SEPTIN9: variants seen among roughly 807,000 people sequenced by gnomAD.
SEPTIN9 encodes the protein septin-9.
Under a neutral mutation model 56.6 loss-of-function variants are expected in SEPTIN9, and 13 were observed. The observed-to-expected ratio is 0.23, with a 90% CI of 0.15 to 0.37. The LOEUF (loss-of-function observed/expected upper bound fraction) is 0.37. SEPTIN9 is among the 10% of genes least tolerant of loss of function. The pLI is 1.00. For missense variants in SEPTIN9, 650 were observed against 823.1 expected (o/e 0.79, Z 2.57); for synonymous variants, 332 against 334.1 (o/e 0.99, Z 0.07).
At chr17:77,316,437 A>G (rs2032709664) in intron 2 of SEPTIN9, among the ~76,000 whole-genome samples, 1 of 152,242 alleles carries the variant, frequency 6.6e-6, no homozygotes, top group African/African-American at 2.4e-5. Flanking sequence ...CCTCAGGCCA[A>G]ACCATGCTGG....
intron 3 of SEPTIN9, among the ~76,000 whole-genome samples, chr17:77,477,304 G>T (rs1361527554): frequency 6.6e-6 from 1 of 152,032 alleles, no homozygotes; most frequent in African/African-American, 2.4e-5. Flanking sequence ...TCGGTACACA[G>T]TCACTCCCCC....
At chr17:77,486,497 T>G (rs1482526442) in intron 4 of SEPTIN9, among the ~76,000 whole-genome samples, 2 of 95,536 alleles carry the variant, frequency 2.1e-5, no homozygotes, top group Admixed American at 1.8e-4. Flanking sequence ...GGTGTGTGTG[T>G]GTGTGTGTGT....
rs1956111519 is a variant in SEPTIN9, at chr17:77,389,563, C to T, written c.77-12496C>T. Among the ~76,000 whole-genome samples, 2 of 152,164 alleles carry T rather than the reference C, an allele frequency of 1.3e-5. No individual in the cohort carries two copies. On this transcript the variant is annotated intron_variant, in intron 2 of 11. Transcript: ENST00000427177. This position sits in a 1 kb window ranked among gnomAD's most constrained non-coding sequence, Gnocchi z 4.3. ...CCTCGCTCCTGCCTTCAGCGACAGCCATTTATCAGGGAGTCTTTGACCCAA... is the reference window on the plus strand; with the variant it reads ...CCTCGCTCCTGCCTTCAGCGACAGCTATTTATCAGGGAGTCTTTGACCCAA...
At chr17:77,324,838 A>G (rs79986043) in intron 2 of SEPTIN9, among the ~76,000 whole-genome samples, 3,380 of 29,648 alleles carry the variant, frequency 0.11, 193 homozygotes, top group East Asian at 0.47. Context: ...TTTTTTTTTG[A>G]GATGGAGTCT....
intron 3 of SEPTIN9, chr17:77,446,637 C>T (rs1269579756): frequency 6.0e-5 from 10 of 166,988 alleles, no homozygotes; most frequent in African/African-American, 2.4e-5. Context: ...AGCCATGAGC[C>T]ATCACACCTG....
Position 77,475,404 on chromosome 17 carries a change from C to T in SEPTIN9, c.722-6740C>T. The T allele has an allele frequency of 6.9e-7, 1 of 1,457,454 alleles. No homozygotes were observed. The highest frequency in any genetic ancestry group is 9.0e-7 in the Non-Finnish European group (1 of 1,112,002). The allele number at this position is 1,457,454 out of a possible 1,614,324, so 90.3% of individuals were successfully genotyped here. On this transcript the variant is annotated intron_variant, in intron 3 of 11. Transcript: ENST00000427177. The surrounding 1 kb of genome is among the most constrained non-coding windows in gnomAD (Gnocchi z 4.6). ...GATAGGAGAGGAGGAGGGAGCAGCC[C>T]TGGCCGGACACTGTCCTCCTAGCAT...
In SEPTIN9 at chr17:77,329,103, C is replaced by T. The variant is rs542697007; in HGVS notation, c.76+21906C>T. Among the ~76,000 whole-genome samples, 7 of 152,252 alleles carry T rather than the reference C, an allele frequency of 4.6e-5. No homozygotes were observed. In the South Asian group the frequency reaches 1.5e-3, roughly 32 times the overall value. ...ACCAATGCGACAGGCAGGGCCAGGT[C>T]GTGCCGGGCCTTGGAGGCCCTGGTG... On this transcript the variant is annotated intron_variant, in intron 2 of 11. Coordinates refer to ENST00000427177, the MANE Select transcript of SEPTIN9 (RefSeq NM_001113491.2). The surrounding 1 kb of genome is among the most constrained non-coding windows in gnomAD (Gnocchi z 4.3).
chr17:77,392,563 C>T (rs544939315), intron 2 of SEPTIN9, among the ~76,000 whole-genome samples: 3 of 152,146 alleles, frequency 2.0e-5, no homozygotes, highest in South Asian at 2.1e-4. Flanking sequence ...TGGCCTCCTG[C>T]GGACTGGGCC....
rs1361798074 is a variant in SEPTIN9, at chr17:77,456,771, G to A, written c.722-25373G>A. ...ACCGGGTACCCACAGCCAGGGACGG[G>A]TCCCCATGGCCAGTACCAGGTCTCA... On this transcript the variant is annotated intron_variant, in intron 3 of 11. Coordinates refer to ENST00000427177, the MANE Select transcript of SEPTIN9 (RefSeq NM_001113491.2). This position sits in a 1 kb window ranked among gnomAD's most constrained non-coding sequence, Gnocchi z 6.0. Among the ~76,000 whole-genome samples the A allele has an allele frequency of 6.6e-6, 1 of 152,132 alleles. No homozygotes were observed. The highest frequency in any genetic ancestry group is 1.5e-5 in the Non-Finnish European group (1 of 68,012).
rs1261524581 is a variant in SEPTIN9, at chr17:77,444,942, G to C, written c.722-37202G>C. On this transcript the variant is annotated intron_variant, in intron 3 of 11. Coordinates refer to ENST00000427177, the MANE Select transcript of SEPTIN9 (RefSeq NM_001113491.2). The stretch of plus-strand genomic sequence containing the variant: ...TAGGTCAAAGGAAGAGGGTTTGCTT[G>C]TTTTTGAGATTGGGGCATCCTGAAC... The C allele has an allele frequency of 1.1e-5, 4 of 366,756 alleles. No individual in the cohort carries two copies. The East Asian group carries it at 2.3e-4, about 21-fold the overall frequency. 22.7% of individuals were successfully genotyped at this position (366,756 alleles called of 1,614,324 possible).
rs1176217257 is a variant in SEPTIN9, at chr17:77,320,234, G to A, written c.76+13037G>A. ...AGAGGAGGAGGAGGAGGAGGAGGAGGCTGAGAGAGGGAGGGCGACGGGGGT... is the reference window on the plus strand; with the variant it reads ...AGAGGAGGAGGAGGAGGAGGAGGAGACTGAGAGAGGGAGGGCGACGGGGGT... On this transcript the variant is annotated intron_variant, in intron 2 of 11. Transcript: ENST00000427177. The A allele has an allele frequency of 3.1e-6, 5 of 1,610,914 alleles. No homozygotes were observed. In the Admixed American group the frequency reaches 5.0e-5, roughly 16 times the overall value.
intron 10 of SEPTIN9, 29 bp from the exon 11 acceptor site, chr17:77,497,286 A>G: frequency 1.2e-6 from 2 of 1,609,630 alleles, no homozygotes; most frequent in Non-Finnish European, 1.7e-6. Context: ...CCACTGGGAC[A>G]TTAAAGCCCC....
intron 3 of SEPTIN9, among the ~76,000 whole-genome samples, chr17:77,460,733 G>T (rs1036612571): frequency 5.3e-5 from 8 of 152,178 alleles, no homozygotes; most frequent in Admixed American, 4.6e-4. Flanking sequence ...GGGCCTGCCA[G>T]GCCAGGGTCC....
chr17:77,497,672 G>A (rs1032005922), intron 11 of SEPTIN9: 4 of 500,902 alleles, frequency 8.0e-6, no homozygotes, highest in Non-Finnish European at 1.5e-5. Context: ...GCCCAGTGAG[G>A]CCTCATGTGC....
At chr17:77,412,534 C>G (rs537427021) in intron 3 of SEPTIN9, among the ~76,000 whole-genome samples, 3 of 152,150 alleles carry the variant, frequency 2.0e-5, no homozygotes, top group South Asian at 4.1e-4. Flanking sequence ...CTTAGGAGTT[C>G]GAGACCAGCC....
chr17:77,333,627 TG>T (rs1382425301), intron 2 of SEPTIN9, among the ~76,000 whole-genome samples: 2 of 152,250 alleles, frequency 1.3e-5, no homozygotes, highest in Non-Finnish European at 2.9e-5. Flanking sequence ...GTTCTCTCTC[TG>T]TGTTCTTTGT....
At chr17:77,355,981 CAAA>C (rs766969712) in intron 2 of SEPTIN9, among the ~76,000 whole-genome samples, 2 of 92,392 alleles carry the variant, frequency 2.2e-5, no homozygotes, top group Non-Finnish European at 2.1e-5. Context: ...GACTCCGTCT[CAAA>C]AAAAAAAAAA....
At chr17:77,325,771 T>C (rs2033111879) in intron 2 of SEPTIN9, among the ~76,000 whole-genome samples, 1 of 152,198 alleles carries the variant, frequency 6.6e-6, no homozygotes, top group South Asian at 2.1e-4. Flanking sequence ...CTGCTTCCTG[T>C]TTGGAGGTGG....
chr17:77,454,449 T>C (rs900281367), intron 3 of SEPTIN9: 59 of 859,708 alleles, frequency 6.9e-5, no homozygotes, highest in Non-Finnish European at 7.7e-5. Flanking sequence ...CCCAGTCCGC[T>C]GTACGTGTGA....
Sources: gnomAD v4.1 joint callset for allele counts (sites outside exome capture counted in the v4.1 genomes callset) on GRCh38, gnomAD v4.1.1 for gene constraint, Gnocchi (gnomAD v3.1) non-coding constraint, MANE v1.5 for transcripts, NCBI Gene and HGNC (gene_info 2026-07-23, HGNC 2026-07-21) for gene names.